RBFOX3: variants seen among roughly 807,000 people sequenced by gnomAD.
RBFOX3 encodes the protein RNA binding fox-1 homolog 3, also known as RNA binding protein fox-1 homolog 3.
A neutral mutation model predicts 48.7 loss-of-function variants in RBFOX3; 17 were observed. That is an observed-to-expected ratio of 0.35 (90% CI 0.24 to 0.52). The LOEUF (loss-of-function observed/expected upper bound fraction) is 0.52, where lower values mean the gene tolerates loss of function less well. Ranked by LOEUF, RBFOX3 falls within the 20% of genes least tolerant of loss-of-function variation. RBFOX3 has a pLI of 0.94. For missense variants in RBFOX3, 382 were observed against 497.5 expected, an observed-to-expected ratio of 0.77 and a Z score of 2.21; for synonymous variants, 212 against 209.5, an observed-to-expected ratio of 1.01 and a Z score of -0.10.
chr17:79,520,805 C>T (rs991900343), intron 1 of RBFOX3, among the ~76,000 whole-genome samples: 71 of 152,276 alleles, frequency 4.7e-4, no homozygotes, highest in African/African-American at 1.6e-3. Context: ...ACACAGCCTC[C>T]CCCGGCAGAC....
At chr17:79,333,729 G>A (rs1437917704) in intron 2 of RBFOX3, among the ~76,000 whole-genome samples, 2 of 152,072 alleles carry the variant, frequency 1.3e-5, no homozygotes, top group Non-Finnish European at 2.9e-5. Flanking sequence ...CCCCTGGATG[G>A]GAGTTCAGCA....
At chr17:79,258,598 A>G (rs2148419046) in intron 3 of RBFOX3, among the ~76,000 whole-genome samples, 1 of 152,256 alleles carries the variant, frequency 6.6e-6, no homozygotes, top group South Asian at 2.1e-4. Context: ...GCAGACTAAA[A>G]GGAGCTCTAG....
chr17:79,094,624 A>G (rs1213722619), intron 13 of RBFOX3, 95 bp from the exon 14 acceptor site: 2 of 782,686 alleles, frequency 2.6e-6, no homozygotes, highest in Non-Finnish European at 3.7e-6. Context: ...CAGACACTAC[A>G]TGGGCACCCT....
rs929132594 is a variant in RBFOX3 at position 79,570,182 on chromosome 17, G to T, written c.-320+40644C>A. Among the ~76,000 whole-genome samples the T allele has an allele frequency of 4.7e-4, 70 of 150,004 alleles. 1 individual carries two copies. Among genetic ancestry groups the T allele is most frequent in the African/African-American group, 1.7e-3 (68 of 40,790 alleles). On this transcript the variant is annotated intron_variant, in intron 1 of 14. Transcript: ENST00000693108. ...TAATAGATGGATGGTAGATGGATAG[G>T]TGGATTATAGATGGATAGTAGATGG... is the stretch of plus-strand genomic sequence containing the variant.
chr17:79,590,020 G>A (rs1599235473), intron 1 of RBFOX3, among the ~76,000 whole-genome samples: 2 of 152,192 alleles, frequency 1.3e-5, no homozygotes, highest in East Asian at 3.9e-4. Context: ...CACCCCCCAT[G>A]TATTCCCTGG....
intron 4 of RBFOX3, among the ~76,000 whole-genome samples, chr17:79,188,759 G>C (rs2053915400): frequency 6.6e-6 from 1 of 152,176 alleles, no homozygotes; most frequent in Non-Finnish European, 1.5e-5. Context: ...AGGCGAGCGA[G>C]CTCTACACCG....
chr17:79,137,607 C>T (rs1267519908), intron 4 of RBFOX3, among the ~76,000 whole-genome samples: 4 of 152,214 alleles, frequency 2.6e-5, no homozygotes, highest in African/African-American at 9.6e-5. Context: ...CTGAGCGCCT[C>T]CTTTCCTCCC....
intron 4 of RBFOX3, among the ~76,000 whole-genome samples, chr17:79,183,921 G>A (rs944382989): frequency 2.0e-5 from 3 of 151,884 alleles, no homozygotes; most frequent in African/African-American, 7.3e-5. Flanking sequence ...CCCCCCCGTT[G>A]CCAGCACTTG....
At chr17:79,100,738 T>C (rs1003895611) in intron 9 of RBFOX3, among the ~76,000 whole-genome samples, 1 of 152,200 alleles carries the variant, frequency 6.6e-6, no homozygotes, top group African/African-American at 2.4e-5. Context: ...GCCCCCAACG[T>C]ACGCCTGCTC....
At chr17:79,219,172 T>A (rs1014510736) in intron 4 of RBFOX3, among the ~76,000 whole-genome samples, 1 of 152,086 alleles carries the variant, frequency 6.6e-6, no homozygotes, top group Admixed American at 6.5e-5. Flanking sequence ...GCAGGGTAGA[T>A]TGTGTCTGGA....
At chr17:79,548,484 C>G (rs2090770322) in intron 1 of RBFOX3, among the ~76,000 whole-genome samples, 1 of 152,268 alleles carries the variant, frequency 6.6e-6, no homozygotes, top group East Asian at 1.9e-4. Flanking sequence ...CCCCCAAAGC[C>G]TGTGCACTTT....
chr17:79,472,522 G>T (rs1188747555), intron 2 of RBFOX3, among the ~76,000 whole-genome samples: 1 of 152,134 alleles, frequency 6.6e-6, no homozygotes, highest in African/African-American at 2.4e-5. Context: ...ACAGATCAAG[G>T]GGCGGCCATG....
intron 2 of RBFOX3, among the ~76,000 whole-genome samples, chr17:79,378,135 G>C (rs573247116): frequency 5.9e-5 from 9 of 152,096 alleles, no homozygotes; most frequent in Non-Finnish European, 1.2e-4. Flanking sequence ...TCATAGGGGG[G>C]GCGCATCAGG....
chr17:79,430,551 T>C (rs2068243779), intron 2 of RBFOX3, among the ~76,000 whole-genome samples: 1 of 152,200 alleles, frequency 6.6e-6, no homozygotes, highest in African/African-American at 2.4e-5. Flanking sequence ...CGACTAATAT[T>C]ATTATTATTG....
Position 79,299,805 on chromosome 17 carries a change from G to A in RBFOX3, c.-74+7919C>T, listed in dbSNP as rs1030662513. Among the ~76,000 whole-genome samples the A allele has an allele frequency of 1.3e-5, 2 of 152,248 alleles. No homozygotes were observed. The highest frequency in any genetic ancestry group is 2.9e-5 in the Non-Finnish European group (2 of 68,018). ...CACATAAGGACATGGAGAAGACGGC[G>A]TCTACATGCCAAGGGGAGCAGCCAC... On this transcript the variant is annotated intron_variant, in intron 3 of 14. Coordinates refer to ENST00000693108, the MANE Select transcript of RBFOX3 (RefSeq NM_001350451.2). This position sits in a 1 kb window ranked among gnomAD's most constrained non-coding sequence, Gnocchi z 4.5.
At chr17:79,465,956 C>A (rs782426706) in intron 2 of RBFOX3, among the ~76,000 whole-genome samples, 3 of 152,210 alleles carry the variant, frequency 2.0e-5, no homozygotes, top group Non-Finnish European at 4.4e-5. Flanking sequence ...CTGAGCAAAG[C>A]TTCTGGGCAT....
intron 1 of RBFOX3, among the ~76,000 whole-genome samples, chr17:79,568,282 G>C (rs2092542278): frequency 6.6e-6 from 1 of 152,150 alleles, no homozygotes; most frequent in Non-Finnish European, 1.5e-5. Flanking sequence ...AGAGAACAGA[G>C]AACCGATTCC....
In RBFOX3 at chr17:79,205,642, C is replaced by A. The variant is rs749383349; in HGVS notation, c.-34+30124G>T. Reference sequence around the variant, plus strand: ...TGTTCAATTCACCTACAAAACAGAACCCTACAAAAACCAGATGAATCAGAG... The same window carrying A: ...TGTTCAATTCACCTACAAAACAGAAACCTACAAAAACCAGATGAATCAGAG... On this transcript the variant is annotated intron_variant, in intron 4 of 14. Coordinates refer to ENST00000693108, the MANE Select transcript of RBFOX3 (RefSeq NM_001350451.2). The surrounding 1 kb of genome is among the most constrained non-coding windows in gnomAD (Gnocchi z 4.5). 1.3e-5 allele frequency among the ~76,000 whole-genome samples: 2 copies of A among 152,130 alleles called. No individual in the cohort carries two copies. Among genetic ancestry groups the A allele is most frequent in the Non-Finnish European group, 2.9e-5 (2 of 68,022 alleles).
At chr17:79,591,912 G>A (rs1599240346) in intron 1 of RBFOX3, among the ~76,000 whole-genome samples, 2 of 151,904 alleles carry the variant, frequency 1.3e-5, no homozygotes, top group East Asian at 3.9e-4. Context: ...GGGTGTGCAT[G>A]TGTGGAGGGT....
Sources: gnomAD v4.1 joint callset for allele counts (sites outside exome capture counted in the v4.1 genomes callset) on GRCh38, gnomAD v4.1.1 for gene constraint, Gnocchi (gnomAD v3.1) non-coding constraint, MANE v1.5 for transcripts, NCBI Gene and HGNC (gene_info 2026-07-23, HGNC 2026-07-21) for gene names.